ATP8A2: variants seen among roughly 807,000 people sequenced by gnomAD.
The protein encoded by ATP8A2 is phospholipid-transporting ATPase IB.
Under a neutral mutation model 165.6 loss-of-function variants are expected in ATP8A2, and 100 were observed. The observed-to-expected ratio is 0.60, with a 90% confidence interval of 0.51 to 0.71. The LOEUF (loss-of-function observed/expected upper bound fraction) is 0.71, where lower values mean the gene tolerates loss of function less well. Among genes scored for constraint, ATP8A2 ranks in the 30% least tolerant of loss-of-function variants. ATP8A2 has a pLI of 0.00. For missense variants in ATP8A2, 1,227 were observed against 1,479.5 expected (o/e 0.83, Z 2.80); for synonymous variants, 543 against 548.8 (o/e 0.99, Z 0.15).
Position 25,374,010 on chromosome 13 carries a change from G to A in ATP8A2, c.76+1722G>A, listed in dbSNP as rs112706618. 8.2e-4 allele frequency among the ~76,000 whole-genome samples: 125 copies of A among 152,212 alleles called. 1 individual carries two copies. Among genetic ancestry groups the A allele is most frequent in the African/African-American group, 2.7e-3 (112 of 41,548 alleles). The stretch of plus-strand genomic sequence containing the variant: ...AGGGGCCCACCTTTTCATTTTACAC[G>A]GGCCCCTAAGAATTATGTGATCAGC... On this transcript the variant is annotated intron_variant, in intron 1 of 36. Transcript: ENST00000381655.
At chr13:25,925,470 G>C (rs1284126540) in intron 33 of ATP8A2, among the ~76,000 whole-genome samples, 2 of 140,216 alleles carry the variant, frequency 1.4e-5, no homozygotes, top group African/African-American at 2.7e-5. Flanking sequence ...GGAAGGCAGA[G>C]CTTGCAGTGA....
intron 26 of ATP8A2, among the ~76,000 whole-genome samples, chr13:25,772,114 G>A (rs986387646): frequency 3.3e-5 from 5 of 152,044 alleles, no homozygotes; most frequent in Non-Finnish European, 5.9e-5. Flanking sequence ...AAGACCGAGC[G>A]CCGTCCTTTT....
chr13:25,914,491 G>A (rs1052369087), intron 33 of ATP8A2, among the ~76,000 whole-genome samples: 2 of 152,152 alleles, frequency 1.3e-5, no homozygotes, highest in African/African-American at 4.8e-5. Flanking sequence ...ATGCTCAGAA[G>A]TGGAATGTGG....
intron 33 of ATP8A2, among the ~76,000 whole-genome samples, chr13:25,923,704 T>A (rs1031328424): frequency 4.6e-5 from 7 of 151,640 alleles, no homozygotes; most frequent in African/African-American, 1.7e-4. Context: ...TAAAAAAAAA[T>A]GGACATGAAA....
At chr13:25,534,365 T>C (rs2038211607) in intron 6 of ATP8A2, 1 of 385,898 alleles carries the variant, frequency 2.6e-6, no homozygotes, top group Non-Finnish European at 5.2e-6. Context: ...CTCCCAATGC[T>C]GAAGGAATTC....
At chr13:25,752,669 C>T (rs899064106) in intron 25 of ATP8A2, among the ~76,000 whole-genome samples, 2 of 152,192 alleles carry the variant, frequency 1.3e-5, no homozygotes, top group Non-Finnish European at 2.9e-5. Flanking sequence ...GGCTGGAGTG[C>T]AGTGGCAGTG....
At chr13:25,562,413 A>C (rs569127178) in intron 15 of ATP8A2, among the ~76,000 whole-genome samples, 104 of 152,266 alleles carry the variant, frequency 6.8e-4, no homozygotes, top group African/African-American at 2.4e-3. Flanking sequence ...TTTAAAGCTT[A>C]TACACAAGAA....
intron 13 of ATP8A2, among the ~76,000 whole-genome samples, chr13:25,557,711 G>A (rs1249645319): frequency 2.0e-5 from 3 of 152,050 alleles, no homozygotes. Context: ...TCATTGAACT[G>A]GACCTGAATA....
At chr13:25,586,470 G>C (rs2039925096) in intron 23 of ATP8A2, among the ~76,000 whole-genome samples, 1 of 152,190 alleles carries the variant, frequency 6.6e-6, no homozygotes, top group Non-Finnish European at 1.5e-5. Flanking sequence ...GTGTGCTCCA[G>C]GGACAAGGCC....
At chr13:25,580,420 T>A (rs2039742265) in intron 22 of ATP8A2, among the ~76,000 whole-genome samples, 1 of 152,240 alleles carries the variant, frequency 6.6e-6, no homozygotes, top group Admixed American at 6.5e-5. Context: ...CCTAAGGCTT[T>A]AGCTCACTTT....
Position 25,372,398 on chromosome 13 carries a change from G to C in ATP8A2, c.76+110G>C, listed in dbSNP as rs1487900610. The C allele has an allele frequency of 1.3e-6, 1 of 749,456 alleles. No homozygotes were observed. Among genetic ancestry groups the C allele is most frequent in the Admixed American group, 4.5e-5 (1 of 22,164 alleles). The allele number at this position is 749,456 out of a possible 1,614,324, so 46.4% of individuals were successfully genotyped here. A position where few individuals can be genotyped will look rare whatever the true frequency, so the allele number is the denominator to read the frequency against. ...CGCCCGCGCCCCGCTCCCCTCCCTG[G>C]GCTCCCTGGGCTCTCTGGGCTGCAG... On this transcript the variant is annotated intron_variant, in intron 1 of 36. Transcript: ENST00000381655. This position sits in a 1 kb window ranked among gnomAD's most constrained non-coding sequence, Gnocchi z 4.8.
intron 1 of ATP8A2, among the ~76,000 whole-genome samples, chr13:25,411,525 A>T (rs1419170509): frequency 1.3e-5 from 2 of 152,202 alleles, no homozygotes; most frequent in Admixed American, 1.3e-4. Flanking sequence ...AAAATGTTTT[A>T]TATTGTTGTT....
chr13:26,019,380 G>C (rs959807541), intron 36 of ATP8A2, among the ~76,000 whole-genome samples: 8 of 152,224 alleles, frequency 5.3e-5, no homozygotes, highest in African/African-American at 1.9e-4. Context: ...CTAGGCGGCA[G>C]AGCAAGACTC....
At chr13:25,576,598 G>A (rs1840767288) in intron 19 of ATP8A2, among the ~76,000 whole-genome samples, 1 of 152,056 alleles carries the variant, frequency 6.6e-6, no homozygotes, top group South Asian at 2.1e-4. Flanking sequence ...TGCTAAATTG[G>A]GAGTGTTCTG....
rs773624734 is a variant in ATP8A2 at position 25,551,417 on chromosome 13, T to C, written c.971T>C (p.Leu324Pro). Residue 324 changes from leucine to proline, a missense_variant, in exon 11 of 37, where the codon CTC (leucine) becomes CCC (proline). Transcript: ENST00000381655. Reference sequence around the variant, plus strand: ...CAGATCCTGGTGTTGTTTGGCATCCTCTTGGTCATGGCCTTGGTGAGCTCG... The same window carrying C: ...CAGATCCTGGTGTTGTTTGGCATCCCCTTGGTCATGGCCTTGGTGAGCTCG... ...NVQILVLFGILLVMALVSSAG... is the reference protein window; with the variant it reads ...NVQILVLFGIPLVMALVSSAG... 6.2e-7 allele frequency: 1 copy of C among 1,614,044 alleles called. No homozygotes were observed. The highest frequency in any genetic ancestry group is 8.5e-7 in the Non-Finnish European group (1 of 1,179,998).
At chr13:25,682,476 A>G (rs2042512487) in intron 24 of ATP8A2, among the ~76,000 whole-genome samples, 1 of 152,164 alleles carries the variant, frequency 6.6e-6, no homozygotes, top group Non-Finnish European at 1.5e-5. Flanking sequence ...CTCATCTGTC[A>G]TGAAGACTCT....
At position 25,513,576 on chromosome 13, in the gene ATP8A2, A is replaced by C. The variant is rs981628776; in HGVS notation, c.222-16423A>C. Among the ~76,000 whole-genome samples the C allele has an allele frequency of 2.2e-4, 34 of 152,158 alleles. 1 individual carries two copies. The South Asian group carries it at 2.3e-3, about 10-fold the overall frequency. On this transcript the variant is annotated intron_variant, in intron 2 of 36. Transcript: ENST00000381655. Reference sequence around the variant, plus strand: ...GGGTGGCGGCCGGGCAGAGGCTGCAATCTCGGCACTTTGGGAGGCCAAGGC... The same window carrying C: ...GGGTGGCGGCCGGGCAGAGGCTGCACTCTCGGCACTTTGGGAGGCCAAGGC...
At chr13:25,619,792 G>GT (rs760956537) in intron 24 of ATP8A2, among the ~76,000 whole-genome samples, 4 of 152,190 alleles carry the variant, frequency 2.6e-5, no homozygotes, top group Non-Finnish European at 5.9e-5. Context: ...AATATTTTTG[G>GT]TTTTGTGGAC....
intron 1 of ATP8A2, among the ~76,000 whole-genome samples, chr13:25,428,771 T>G (rs1331899946): frequency 6.6e-6 from 1 of 152,164 alleles, no homozygotes; most frequent in African/African-American, 2.4e-5. Flanking sequence ...GCAAGCAGGA[T>G]TTGGGACCCC....
Sources: allele counts gnomAD v4.1 joint callset (sites outside exome capture counted in the v4.1 genomes callset), GRCh38; gene constraint gnomAD v4.1.1; non-coding constraint Gnocchi (gnomAD v3.1); transcripts MANE v1.5; gene names NCBI Gene and HGNC (gene_info 2026-07-23, HGNC 2026-07-21).